IFT81: variants seen among roughly 807,000 people sequenced by gnomAD.
The protein encoded by IFT81 is intraflagellar transport protein 81 homolog.
Under a neutral mutation model 102.6 loss-of-function variants are expected in IFT81, and 72 were observed. The ratio of observed to expected loss-of-function variants is 0.70; its 90% CI spans 0.58 to 0.85. The LOEUF is 0.85. Ranked by LOEUF, IFT81 falls within the 40% of genes least tolerant of loss-of-function variation. The pLI, the probability that IFT81 is intolerant of heterozygous loss-of-function variation, is 0.00. For missense variants in IFT81, 723 were observed against 787.3 expected (o/e 0.92, Z 0.98); for synonymous variants, 237 against 242.7 (o/e 0.98, Z 0.22).
At chr12:110,140,617 C>T (rs1894831662) in intron 8 of IFT81, among the ~76,000 whole-genome samples, 1 of 152,140 alleles carries the variant, frequency 6.6e-6, no homozygotes, top group South Asian at 2.1e-4. Context: ...GATGGAAAAG[C>T]TGGTCATCTA....
intron 14 of IFT81, among the ~76,000 whole-genome samples, chr12:110,199,408 C>T (rs1282171942): frequency 6.6e-6 from 1 of 152,050 alleles, no homozygotes; most frequent in African/African-American, 2.4e-5. Flanking sequence ...AAACTTGGAG[C>T]TAATATTGAG....
chr12:110,145,956 G>A (rs1895203327), intron 9 of IFT81, among the ~76,000 whole-genome samples: 1 of 151,604 alleles, frequency 6.6e-6, no homozygotes, highest in Non-Finnish European at 1.5e-5. Context: ...GACTACAGGT[G>A]CATGCCACCA....
At chr12:110,191,168 CTTTT>C in intron 13 of IFT81, 120 bp downstream of exon 13, 4 of 623,284 alleles carry the variant, frequency 6.4e-6, no homozygotes, top group Non-Finnish European at 9.7e-6. Flanking sequence ...ATTCTTTCAT[CTTTT>C]TTTTTTTTTT....
At chr12:110,203,770 A>C in intron 14 of IFT81, 94 bp from the exon 15 acceptor site, 1 of 781,242 alleles carries the variant, frequency 1.3e-6, no homozygotes, top group South Asian at 1.5e-5. Context: ...GCTTAGAGTT[A>C]AGTTACAAGA....
rs971041102 is a variant in IFT81 at position 110,133,472 on chromosome 12, A to C, written c.519+836A>C. Among the ~76,000 whole-genome samples, 50 of 151,738 alleles carry C rather than the reference A, an allele frequency of 3.3e-4. 2 individuals carry two copies. In the Middle Eastern group the frequency reaches 0.014, roughly 41 times the overall value. ...ATTCTGTCTCCAGAAAAAAAAAAAA[A>C]AACAAATTAGCCAGGCATGGTGGTG... On this transcript the variant is annotated intron_variant, in intron 5 of 18. Coordinates refer to ENST00000242591, the MANE Select transcript of IFT81 (RefSeq NM_014055.4).
intron 8 of IFT81, among the ~76,000 whole-genome samples, chr12:110,137,834 G>T (rs940086869): frequency 6.6e-6 from 1 of 152,112 alleles, no homozygotes; most frequent in African/African-American, 2.4e-5. Flanking sequence ...TAAAGCCAGG[G>T]CTATAAAGAA....
At chr12:110,139,075 C>T (rs1299002569) in intron 8 of IFT81, among the ~76,000 whole-genome samples, 1 of 152,046 alleles carries the variant, frequency 6.6e-6, no homozygotes, top group Non-Finnish European at 1.5e-5. Flanking sequence ...GTGGTTCACA[C>T]CTGTAATCCC....
At chr12:110,188,473 G>A (rs993380359) in intron 12 of IFT81, among the ~76,000 whole-genome samples, 2 of 151,846 alleles carry the variant, frequency 1.3e-5, no homozygotes, top group African/African-American at 4.8e-5. Flanking sequence ...CTAATTCTCT[G>A]TAGTTCCCTC....
At chr12:110,179,773 T>TACACACACACAC (rs34207126) in intron 11 of IFT81, among the ~76,000 whole-genome samples, 643 of 50,342 alleles carry the variant, frequency 0.013, 24 homozygotes, top group East Asian at 0.1. Flanking sequence ...TATATATATA[T>TACACACACACAC]ACACACACAC....
At chr12:110,189,023 G>T (rs1240625977) in intron 12 of IFT81, among the ~76,000 whole-genome samples, 2 of 151,918 alleles carry the variant, frequency 1.3e-5, no homozygotes, top group East Asian at 3.9e-4. Flanking sequence ...TGACCTAGTA[G>T]CAGCATTTAG....
chr12:110,146,993 A>G lies in IFT81; in HGVS notation c.986A>G (p.Lys329Arg). 2 of 1,611,714 alleles carry G rather than the reference A, an allele frequency of 1.2e-6. No homozygotes were observed. The highest frequency in any genetic ancestry group is 2.2e-5 in the East Asian group (1 of 44,790). ...ACAGAAATTAACCAGTTGATTGAAA[A>G]GAAAATGATGAGAAATGAGCCCATT... is the stretch of plus-strand genomic sequence containing the variant. ...INTEINQLIE[K>R]KMMRNEPIEG... Residue 329 changes from lysine (K) to arginine (R), a missense_variant, in exon 10 of 19, where the codon AAG becomes AGG. By Grantham distance (26) the Lys-to-Arg change is conservative (BLOSUM62 2). Coordinates refer to ENST00000242591, the MANE Select transcript of IFT81 (RefSeq NM_014055.4).
intron 14 of IFT81, among the ~76,000 whole-genome samples, chr12:110,200,539 T>C (rs1898212464): frequency 6.6e-6 from 1 of 152,204 alleles, no homozygotes. Flanking sequence ...GGTAAGTGAA[T>C]GTGAAGGTCT....
intron 11 of IFT81, among the ~76,000 whole-genome samples, chr12:110,170,773 G>A (rs1896690472): frequency 6.6e-6 from 1 of 152,170 alleles, no homozygotes; most frequent in South Asian, 2.1e-4. Context: ...ATCACAAGAA[G>A]CTCAGCTGTT....
intron 11 of IFT81, chr12:110,167,928 T>C: frequency 4.2e-6 from 1 of 239,222 alleles, no homozygotes. Flanking sequence ...CATGGCTTAC[T>C]GCAGCCTGAA....
chr12:110,158,198 G>A (rs1317790564), intron 10 of IFT81, among the ~76,000 whole-genome samples: 2 of 152,014 alleles, frequency 1.3e-5, no homozygotes, highest in East Asian at 3.9e-4. Flanking sequence ...AGCCTCCTGA[G>A]TAGCTGGGAT....
chr12:110,218,084 G>T lies in IFT81; in HGVS notation c.1889G>T (p.Gly630Val), dbSNP rs1294213248. 2 of 1,604,314 alleles carry T rather than the reference G, an allele frequency of 1.2e-6. No individual in the cohort carries two copies. The stretch of plus-strand genomic sequence containing the variant: ...CAAAAAGTTATACGAGAAAGTCATG[G>T]TCCAAATATGAAACAAGCAAAAATG... ...EKQKVIRESH[G>V]PNMKQAKMWR... is the part of the protein sequence containing the mutation. Residue 630 changes from glycine (G) to valine (V), a missense_variant, in exon 19 of 19, where the codon GGT becomes GTT. By Grantham distance (109) the Gly-to-Val change is moderately radical. Coordinates refer to ENST00000242591, the MANE Select transcript of IFT81 (RefSeq NM_014055.4).
intron 5 of IFT81, among the ~76,000 whole-genome samples, chr12:110,133,114 G>C (rs1018918652): frequency 6.6e-6 from 1 of 151,544 alleles, no homozygotes; most frequent in Non-Finnish European, 1.5e-5. Context: ...GGGACTACAG[G>C]CATGCGCCAC....
chr12:110,203,348 G>A (rs181504107), intron 14 of IFT81: 1 of 155,042 alleles, frequency 6.4e-6, no homozygotes, highest in Admixed American at 6.3e-5. Flanking sequence ...GTTCTCTGTA[G>A]CTTTCAATCC....
chr12:110,143,586 G>C (rs753762781), intron 9 of IFT81, 41 bp downstream of exon 9: 3 of 1,455,392 alleles, frequency 2.1e-6, no homozygotes, highest in Non-Finnish European at 2.8e-6. Flanking sequence ...AATTTTATCT[G>C]ATCCCCAGTC....
Sources: gnomAD v4.1 joint callset for allele counts (sites outside exome capture counted in the v4.1 genomes callset) on GRCh38, gnomAD v4.1.1 for gene constraint, MANE v1.5 for transcripts, NCBI Gene and HGNC (gene_info 2026-07-23, HGNC 2026-07-21) for gene names.